The following AGAP1 variants were observed in gnomAD, a reference collection of about 807,000 sequenced individuals.
AGAP1 encodes the protein ArfGAP with GTPase domain, ankyrin repeat and PH domain 1.
AGAP1 carries 29 observed loss-of-function variants against 105.3 expected under a neutral mutation model. That is an observed-to-expected ratio of 0.28 (90% CI 0.21 to 0.38). The LOEUF (loss-of-function observed/expected upper bound fraction) is 0.38. Among genes scored for constraint, AGAP1 ranks in the 10% least tolerant of loss-of-function variants. The pLI, the probability that AGAP1 is intolerant of heterozygous loss-of-function variation, is 1.00. For missense variants in AGAP1, 998 were observed against 1,165.1 expected (o/e 0.86, Z 2.09); for synonymous variants, 509 against 485.9 (o/e 1.05, Z -0.63).
At position 235,958,615 on chromosome 2, in the gene AGAP1, G is replaced by A. The variant is rs184178516; in HGVS notation, c.1484-9847G>A. Among the ~76,000 whole-genome samples the A allele has an allele frequency of 8.5e-5, 13 of 152,284 alleles. No individual in the cohort carries two copies. In the East Asian group the frequency reaches 2.5e-3, roughly 29 times the overall value. ...TGATCGGCTGGGCAGATAATCGGAGGAGAGTTAATTGTAAGGTTCGATATG... is the reference window on the plus strand; with the variant it reads ...TGATCGGCTGGGCAGATAATCGGAGAAGAGTTAATTGTAAGGTTCGATATG... On this transcript the variant is annotated intron_variant, in intron 12 of 17. Coordinates refer to ENST00000304032, the MANE Select transcript of AGAP1 (RefSeq NM_001037131.3). This position sits in a 1 kb window ranked among gnomAD's most constrained non-coding sequence, Gnocchi z 4.1.
chr2:235,668,101 G>T (rs1309920067), intron 1 of AGAP1, among the ~76,000 whole-genome samples: 1 of 152,110 alleles, frequency 6.6e-6, no homozygotes, highest in African/African-American at 2.4e-5. Context: ...GTAGCAGGTA[G>T]GCTGAGGTAT....
At position 235,982,127 on chromosome 2, in the gene AGAP1, C is replaced by G. The variant is rs1181155466; in HGVS notation, c.1645+13504C>G. Reference sequence around the variant, plus strand: ...ACCAGATCCACGAAGAACAAATGATCAAAGTTTCAAAGGCTGTAATTTTGG... The same window carrying G: ...ACCAGATCCACGAAGAACAAATGATGAAAGTTTCAAAGGCTGTAATTTTGG... On this transcript the variant is annotated intron_variant, in intron 13 of 17. Transcript: ENST00000304032. The surrounding 1 kb of genome is among the most constrained non-coding windows in gnomAD (Gnocchi z 4.9). 2.0e-5 allele frequency among the ~76,000 whole-genome samples: 3 copies of G among 152,132 alleles called. No individual in the cohort carries two copies. Among genetic ancestry groups the G allele is most frequent in the South Asian group, 2.1e-4 (1 of 4,828 alleles).
At chr2:235,929,100 G>A (rs1030053553) in intron 11 of AGAP1, among the ~76,000 whole-genome samples, 4 of 152,340 alleles carry the variant, frequency 2.6e-5, no homozygotes, top group African/African-American at 9.6e-5. Context: ...AAGCAGGGGA[G>A]CCCAGACCCG....
intron 4 of AGAP1, among the ~76,000 whole-genome samples, chr2:235,742,693 G>T (rs1170337875): frequency 6.6e-6 from 1 of 151,918 alleles, no homozygotes; most frequent in African/African-American, 2.4e-5. Flanking sequence ...TGGAGGCAAG[G>T]TCCCTCCTGT....
At chr2:235,861,624 C>T (rs2048931415) in intron 9 of AGAP1, among the ~76,000 whole-genome samples, 1 of 152,208 alleles carries the variant, frequency 6.6e-6, no homozygotes, top group Non-Finnish European at 1.5e-5. Context: ...CTGTGATTTG[C>T]AGGGAGCGCA....
intron 13 of AGAP1, among the ~76,000 whole-genome samples, chr2:236,033,334 T>C (rs1231726527): frequency 6.6e-6 from 1 of 152,216 alleles, no homozygotes; most frequent in Admixed American, 6.5e-5. Context: ...TGGGTTCTGA[T>C]GTTCCTGTGA....
chr2:235,914,312 G>A (rs1212646023), intron 11 of AGAP1, among the ~76,000 whole-genome samples: 1 of 152,200 alleles, frequency 6.6e-6, no homozygotes, highest in East Asian at 1.9e-4. Flanking sequence ...TTGTTACTGA[G>A]TCTGCTGTAT....
intron 1 of AGAP1, among the ~76,000 whole-genome samples, chr2:235,597,677 C>T (rs1481584943): frequency 6.6e-6 from 1 of 152,168 alleles, no homozygotes; most frequent in African/African-American, 2.4e-5. Flanking sequence ...AATGGATTCC[C>T]GCTGGGGCCC....
chr2:235,809,386 G>A (rs1958009964), intron 9 of AGAP1, among the ~76,000 whole-genome samples: 1 of 152,058 alleles, frequency 6.6e-6, no homozygotes, highest in Non-Finnish European at 1.5e-5. Context: ...CTGGGCACAG[G>A]GAGCTCCTTG....
intron 11 of AGAP1, among the ~76,000 whole-genome samples, chr2:235,929,086 A>G (rs1272139102): frequency 6.6e-6 from 1 of 152,176 alleles, no homozygotes; most frequent in Non-Finnish European, 1.5e-5. Context: ...AAGACCCTAC[A>G]TGTAAGCAGG....
chr2:235,627,286 G>T (rs1429523715), intron 1 of AGAP1, among the ~76,000 whole-genome samples: 1 of 141,168 alleles, frequency 7.1e-6, no homozygotes, highest in Non-Finnish European at 1.5e-5. Context: ...TCCACCTCCC[G>T]GGTTTAAGCA....
At chr2:235,990,450 C>G (rs941904668) in intron 13 of AGAP1, among the ~76,000 whole-genome samples, 1 of 152,182 alleles carries the variant, frequency 6.6e-6, no homozygotes, top group Non-Finnish European at 1.5e-5. Flanking sequence ...GGCAACATCC[C>G]GAATCCCAGT....
At chr2:235,743,784 C>T (rs1018809752) in intron 4 of AGAP1, among the ~76,000 whole-genome samples, 3 of 152,106 alleles carry the variant, frequency 2.0e-5, no homozygotes, top group South Asian at 2.1e-4. Context: ...GGATGGATTT[C>T]GGTTTTGTTT....
chr2:235,507,865 T>C (rs1029280421), intron 1 of AGAP1, among the ~76,000 whole-genome samples: 1 of 152,172 alleles, frequency 6.6e-6, no homozygotes, highest in African/African-American at 2.4e-5. Flanking sequence ...ATAGGTAAGT[T>C]GGGTGTCATG....
At chr2:235,707,092 G>A (rs1433484988) in intron 1 of AGAP1, among the ~76,000 whole-genome samples, 3 of 152,180 alleles carry the variant, frequency 2.0e-5, no homozygotes, top group Non-Finnish European at 2.9e-5. Flanking sequence ...GCAAAATTTT[G>A]CGCCCCCGAT....
chr2:235,572,568 A>G (rs562925190), intron 1 of AGAP1, among the ~76,000 whole-genome samples: 38 of 152,220 alleles, frequency 2.5e-4, no homozygotes, highest in African/African-American at 9.2e-4. Context: ...TGCTGTTTTC[A>G]TCTCTGAAGT....
At chr2:235,537,174 C>T (rs1406563461) in intron 1 of AGAP1, among the ~76,000 whole-genome samples, 6 of 152,180 alleles carry the variant, frequency 3.9e-5, no homozygotes, top group Non-Finnish European at 7.3e-5. Context: ...GTAAAACATA[C>T]GGTACCACAG....
chr2:235,559,626 G>A lies in AGAP1; in HGVS notation c.163+64777G>A, dbSNP rs1382580246. The stretch of plus-strand genomic sequence containing the variant: ...CCACTGTTATGTGGTTATATGTTAC[G>A]TTATAGCCTCCCAGAAATTTTCTAT... On this transcript the variant is annotated intron_variant, in intron 1 of 17. Coordinates refer to ENST00000304032, the MANE Select transcript of AGAP1 (RefSeq NM_001037131.3). This position sits in a 1 kb window ranked among gnomAD's most constrained non-coding sequence, Gnocchi z 5.7. Among the ~76,000 whole-genome samples, 7 of 152,082 alleles carry A rather than the reference G, an allele frequency of 4.6e-5. No individual in the cohort carries two copies. Among genetic ancestry groups the A allele is most frequent in the South Asian group, 2.1e-4 (1 of 4,816 alleles).
rs1945530501 is a variant in AGAP1 at position 235,596,519 on chromosome 2, A to G, written c.163+101670A>G. On this transcript the variant is annotated intron_variant, in intron 1 of 17. Transcript: ENST00000304032. The surrounding 1 kb of genome is among the most constrained non-coding windows in gnomAD (Gnocchi z 5.9). ...TCTGTGTTTCTGGTGAGCCACAGGT[A>G]GCACCCCGGCTGCTGGTCCCTGGTC... 6.6e-6 allele frequency among the ~76,000 whole-genome samples: 1 copy of G among 152,160 alleles called. No homozygotes were observed. The highest frequency in any genetic ancestry group is 6.5e-5 in the Admixed American group (1 of 15,268).
Sources: allele counts gnomAD v4.1 joint callset (sites outside exome capture counted in the v4.1 genomes callset), GRCh38; gene constraint gnomAD v4.1.1; non-coding constraint Gnocchi (gnomAD v3.1); transcripts MANE v1.5; gene names NCBI Gene and HGNC (gene_info 2026-07-23, HGNC 2026-07-21).